The following KLRG1 variants were observed in gnomAD, a reference collection of about 807,000 sequenced individuals.
The protein encoded by KLRG1 is killer cell lectin-like receptor subfamily G member 1.
A neutral mutation model predicts 21.8 loss-of-function variants in KLRG1; 16 were observed. The ratio of observed to expected loss-of-function variants is 0.73; its 90% CI spans 0.50 to 1.11. KLRG1 has a LOEUF of 1.11. KLRG1 is among the 50% of genes most tolerant of loss of function. The pLI is 0.00. For synonymous variants in KLRG1, 69 were observed against 75.9 expected, an observed-to-expected ratio of 0.91 and a Z score of 0.47; for missense variants, 173 against 218.3, an observed-to-expected ratio of 0.79 and a Z score of 1.31.
At chr12:9,119,564 G>A in the KLRG1 span, among the ~76,000 whole-genome samples, 2 of 152,166 alleles carry the variant, frequency 1.3e-5, no homozygotes, top group Admixed American at 6.5e-5. Context: ...AAACAACAGA[G>A]CAGTACCTGA....
At chr12:9,091,388 G>C in the KLRG1 span, 1 of 1,614,164 alleles carries the variant, frequency 6.2e-7, no homozygotes, top group East Asian at 2.2e-5. Flanking sequence ...CTCGGTGATG[G>C]TGTCAGGGAC....
chr12:9,203,664 A>T, the KLRG1 span: 1 of 1,372,596 alleles, frequency 7.3e-7, no homozygotes, highest in Non-Finnish European at 1.0e-6. Flanking sequence ...CTACATTCTT[A>T]AAGTCATACC....
chr12:9,093,396 A>T, the KLRG1 span: 1 of 1,045,272 alleles, frequency 9.6e-7, no homozygotes, highest in Non-Finnish European at 1.5e-6. Context: ...AAACAGAAAA[A>T]CTAGCAAAGA....
At chr12:9,201,589 A>G in the KLRG1 span, among the ~76,000 whole-genome samples, 12 of 152,192 alleles carry the variant, frequency 7.9e-5, no homozygotes, top group Non-Finnish European at 1.8e-4. Flanking sequence ...TTGGTGAATG[A>G]TATTATTGAA....
At chr12:9,048,737 A>G in the KLRG1 span, among the ~76,000 whole-genome samples, 3 of 152,234 alleles carry the variant, frequency 2.0e-5, no homozygotes, top group Non-Finnish European at 4.4e-5. Context: ...GTTATAATTA[A>G]TGGTGAGAGA....
the KLRG1 span, among the ~76,000 whole-genome samples, chr12:9,127,504 CG>C: frequency 1.3e-5 from 2 of 152,160 alleles, no homozygotes; most frequent in African/African-American, 4.8e-5. Context: ...CTCCTTGAAC[CG>C]TTCTCTGCCT....
chr12:8,957,809 G>A (rs989488793), intron 1 of KLRG1, among the ~76,000 whole-genome samples: 5 of 152,188 alleles, frequency 3.3e-5, no homozygotes, highest in African/African-American at 9.7e-5. Context: ...GAGCAGGACA[G>A]TGCAAGATTT....
chr12:9,201,225 T>C, the KLRG1 span: 1 of 1,333,026 alleles, frequency 7.5e-7, no homozygotes, highest in Non-Finnish European at 1.1e-6. Flanking sequence ...GGAATTCAGA[T>C]CTGAAAATTT....
chr12:9,158,700 G>A, the KLRG1 span: 2 of 833,982 alleles, frequency 2.4e-6, no homozygotes. Context: ...GTTACTGAGA[G>A]TTTGGAGACT....
At chr12:9,075,646 C>T in the KLRG1 span, among the ~76,000 whole-genome samples, 44 of 152,226 alleles carry the variant, frequency 2.9e-4, no homozygotes, top group African/African-American at 9.9e-4. Context: ...AAATGTTTCT[C>T]TTGTTTCTTG....
the KLRG1 span, among the ~76,000 whole-genome samples, chr12:9,123,216 C>T: frequency 3.3e-5 from 5 of 152,206 alleles, no homozygotes; most frequent in South Asian, 1.0e-3. Context: ...CCAGTGGACA[C>T]CTGAAACCAC....
At chr12:9,203,355 T>TC in the KLRG1 span, among the ~76,000 whole-genome samples, 3 of 110,538 alleles carry the variant, frequency 2.7e-5, no homozygotes, top group Non-Finnish European at 5.9e-5. Flanking sequence ...TTTTTTTTTT[T>TC]TTTTGAGACG....
the KLRG1 span, among the ~76,000 whole-genome samples, chr12:9,171,053 G>A: frequency 1.3e-5 from 2 of 152,174 alleles, no homozygotes; most frequent in African/African-American, 4.8e-5. Flanking sequence ...GACTGGGCGA[G>A]ACCTCCCAAT....
chr12:9,162,841 T>C, the KLRG1 span, among the ~76,000 whole-genome samples: 334 of 152,268 alleles, frequency 2.2e-3, 2 homozygotes, highest in African/African-American at 7.4e-3. Flanking sequence ...GGTAAATGTG[T>C]GCCATGGTGG....
At chr12:8,976,232 A>G (rs1946655670) in intron 1 of KLRG1, among the ~76,000 whole-genome samples, 1 of 152,172 alleles carries the variant, frequency 6.6e-6, no homozygotes. Context: ...TGGTTGTTCA[A>G]GAATATATTT....
At chr12:8,971,156 T>C (rs1020571766) in intron 1 of KLRG1, 1 of 152,166 alleles carries the variant, frequency 6.6e-6, no homozygotes, top group East Asian at 1.9e-4. Flanking sequence ...TGAAGGAGCA[T>C]TGTTATTTAT....
At chr12:9,125,588 T>A in the KLRG1 span, among the ~76,000 whole-genome samples, 2 of 152,248 alleles carry the variant, frequency 1.3e-5, no homozygotes, top group Non-Finnish European at 2.9e-5. Flanking sequence ...GTGCAACATG[T>A]CATTCTGAAA....
chr12:9,140,369 A>G, the KLRG1 span, among the ~76,000 whole-genome samples: 10 of 152,228 alleles, frequency 6.6e-5, no homozygotes, highest in African/African-American at 2.2e-4. Context: ...CCTTTCTTTA[A>G]GTTATTTAGC....
intron 1 of KLRG1, among the ~76,000 whole-genome samples, chr12:8,953,964 C>T (rs1946246886): frequency 6.6e-6 from 1 of 152,064 alleles, no homozygotes; most frequent in Admixed American, 6.6e-5. Flanking sequence ...ACATGCAGTC[C>T]ACCCACTGAT....
Sources: allele counts gnomAD v4.1 joint callset (sites outside exome capture counted in the v4.1 genomes callset), GRCh38; gene constraint gnomAD v4.1.1; transcripts MANE v1.5; gene names NCBI Gene and HGNC (gene_info 2026-07-23, HGNC 2026-07-21).